The following ADAMTS12 variants were observed in gnomAD, a reference collection of about 807,000 sequenced individuals.
ADAMTS12 encodes the protein ADAM metallopeptidase with thrombospondin type 1 motif 12.
Under a neutral mutation model 167.8 loss-of-function variants are expected in ADAMTS12, and 118 were observed. That is an observed-to-expected ratio of 0.70 (90% CI 0.61 to 0.82). The LOEUF is 0.82. Among genes scored for constraint, ADAMTS12 ranks in the 40% least tolerant of loss-of-function variants. The pLI is 0.00. For missense variants in ADAMTS12, 1,916 were observed against 1,998.8 expected, an observed-to-expected ratio of 0.96 and a Z score of 0.79; for synonymous variants, 704 against 716.9, an observed-to-expected ratio of 0.98 and a Z score of 0.29.
At chr5:33,560,063 A>G (rs1194652254) in intron 20 of ADAMTS12, among the ~76,000 whole-genome samples, 1 of 152,240 alleles carries the variant, frequency 6.6e-6, no homozygotes, top group Non-Finnish European at 1.5e-5. Context: ...AGGATTATTC[A>G]TTAAAATGCT....
intron 2 of ADAMTS12, among the ~76,000 whole-genome samples, chr5:33,823,692 G>A (rs980100134): frequency 6.6e-6 from 1 of 151,762 alleles, no homozygotes; most frequent in South Asian, 2.1e-4. Context: ...ACATGTTTAG[G>A]TGGAAACTCC....
chr5:33,651,852 C>A (rs1740877321), intron 7 of ADAMTS12, among the ~76,000 whole-genome samples: 1 of 152,154 alleles, frequency 6.6e-6, no homozygotes, highest in African/African-American at 2.4e-5. Flanking sequence ...TATGTCTATA[C>A]ATACTCATTG....
intron 5 of ADAMTS12, among the ~76,000 whole-genome samples, chr5:33,680,534 C>T (rs1367514375): frequency 6.6e-6 from 1 of 151,348 alleles, no homozygotes; most frequent in Non-Finnish European, 1.5e-5. Context: ...TCTGAAAATG[C>T]TAAATGTTTC....
chr5:33,672,675 G>A (rs972600320), intron 5 of ADAMTS12, among the ~76,000 whole-genome samples: 3 of 152,184 alleles, frequency 2.0e-5, no homozygotes, highest in Non-Finnish European at 2.9e-5. Context: ...TCGAAAAAGC[G>A]AATGTTTACA....
At chr5:33,858,034 G>A (rs1328051322) in intron 2 of ADAMTS12, among the ~76,000 whole-genome samples, 1 of 152,158 alleles carries the variant, frequency 6.6e-6, no homozygotes, top group African/African-American at 2.4e-5. Flanking sequence ...AAACATTTAT[G>A]AAACACTCTC....
chr5:33,539,781 A>G (rs893365841), intron 22 of ADAMTS12, among the ~76,000 whole-genome samples: 11 of 152,114 alleles, frequency 7.2e-5, no homozygotes, highest in African/African-American at 2.4e-4. Flanking sequence ...TTTTTGCTTA[A>G]GTATAGTGGC....
At chr5:33,806,207 G>A (rs1355103627) in intron 2 of ADAMTS12, among the ~76,000 whole-genome samples, 1 of 152,196 alleles carries the variant, frequency 6.6e-6, no homozygotes, top group Non-Finnish European at 1.5e-5. Context: ...ATGAAATGAT[G>A]CAGAAGATCA....
chr5:33,686,843 C>A (rs904223177), intron 3 of ADAMTS12, among the ~76,000 whole-genome samples: 2 of 148,842 alleles, frequency 1.3e-5, no homozygotes, highest in African/African-American at 5.0e-5. Flanking sequence ...CCTGCTGTGT[C>A]CTCATCTGTC....
In ADAMTS12 at chr5:33,855,019, A is replaced by G. The variant is rs112354765; in HGVS notation, c.489+26100T>C. ...GTGAGCCACAAAGTTCCGGATCAGG[A>G]AACAAGGCAAGAAGCCTCACTGGGC... On this transcript the variant is annotated intron_variant, in intron 2 of 23. Coordinates refer to ENST00000504830, the MANE Select transcript of ADAMTS12 (RefSeq NM_030955.4). Among the ~76,000 whole-genome samples, 6 of 152,362 alleles carry G rather than the reference A, an allele frequency of 3.9e-5. 1 individual carries two copies. Among genetic ancestry groups the G allele is most frequent in the African/African-American group, 1.4e-4 (6 of 41,588 alleles).
intron 17 of ADAMTS12, among the ~76,000 whole-genome samples, chr5:33,591,012 C>G (rs1209667761): frequency 6.6e-6 from 1 of 151,518 alleles, no homozygotes; most frequent in Non-Finnish European, 1.5e-5. Flanking sequence ...ATAATCCCAC[C>G]TCTTGTTGGA....
At chr5:33,535,702 A>G (rs185313430) in intron 22 of ADAMTS12, among the ~76,000 whole-genome samples, 23 of 152,294 alleles carry the variant, frequency 1.5e-4, no homozygotes, top group Middle Eastern at 3.4e-3. Context: ...ATACAATTTC[A>G]TATCTGTGTC....
At chr5:33,692,986 C>G (rs901011071) in intron 3 of ADAMTS12, among the ~76,000 whole-genome samples, 3 of 152,140 alleles carry the variant, frequency 2.0e-5, no homozygotes, top group African/African-American at 7.2e-5. Context: ...TTAAATGAAG[C>G]AAGAAAATTC....
intron 2 of ADAMTS12, among the ~76,000 whole-genome samples, chr5:33,859,966 C>T (rs891097827): frequency 2.6e-5 from 4 of 152,202 alleles, no homozygotes; most frequent in Non-Finnish European, 4.4e-5. Context: ...ATAGCATCAA[C>T]ATCAACAAAA....
At chr5:33,542,583 C>T (rs1744760763) in intron 22 of ADAMTS12, among the ~76,000 whole-genome samples, 1 of 152,214 alleles carries the variant, frequency 6.6e-6, no homozygotes, top group Non-Finnish European at 1.5e-5. Flanking sequence ...CCACATCACA[C>T]TTATTCTAAA....
At position 33,730,291 on chromosome 5, in the gene ADAMTS12, T is replaced by G. The variant is rs79107859; in HGVS notation, c.634+21113A>C. Among the ~76,000 whole-genome samples the G allele has an allele frequency of 8.3e-3, 904 of 108,866 alleles. 7 individuals carry two copies. Among genetic ancestry groups the G allele is most frequent in the East Asian group, 0.062 (103 of 1,658 alleles). 71.4% of individuals were successfully genotyped at this position (108,866 alleles called of 152,430 possible). A position where few individuals can be genotyped will look rare whatever the true frequency, so the allele number is the denominator to read the frequency against. On this transcript the variant is annotated intron_variant, in intron 3 of 23. Transcript: ENST00000504830. ...ATTATGAGATCAGAGTCCATTAGGG[T>G]GTGTGTGTGTGTGTGTGTGTGTGTG... is the stretch of plus-strand genomic sequence containing the variant.
chr5:33,855,058 C>T (rs1332828059), intron 2 of ADAMTS12, among the ~76,000 whole-genome samples: 1 of 152,224 alleles, frequency 6.6e-6, no homozygotes, highest in African/African-American at 2.4e-5. Flanking sequence ...TTTTCCCACA[C>T]AGCTCTGCCA....
intron 11 of ADAMTS12, among the ~76,000 whole-genome samples, chr5:33,639,726 C>G (rs1740370357): frequency 6.6e-6 from 1 of 152,194 alleles, no homozygotes; most frequent in Admixed American, 6.5e-5. Flanking sequence ...TCCTGAGAGA[C>G]AGAGAACTCA....
chr5:33,777,292 A>T (rs1745948176), intron 2 of ADAMTS12, among the ~76,000 whole-genome samples: 1 of 152,134 alleles, frequency 6.6e-6, no homozygotes, highest in African/African-American at 2.4e-5. Context: ...AATATTAGCA[A>T]ACGAAATTCA....
chr5:33,658,997 G>C (rs1045561872), intron 6 of ADAMTS12, among the ~76,000 whole-genome samples: 1 of 152,166 alleles, frequency 6.6e-6, no homozygotes, highest in Non-Finnish European at 1.5e-5. Context: ...ACTTTTGAAA[G>C]AGTCACTAAT....
Sources: gnomAD v4.1 joint callset for allele counts (sites outside exome capture counted in the v4.1 genomes callset) on GRCh38, gnomAD v4.1.1 for gene constraint, MANE v1.5 for transcripts, NCBI Gene and HGNC (gene_info 2026-07-23, HGNC 2026-07-21) for gene names.